GALNT18: variants seen among roughly 807,000 people sequenced by gnomAD.
The protein encoded by GALNT18 is polypeptide N-acetylgalactosaminyltransferase 18, also known as GalNAc-transferase 18.
A neutral mutation model predicts 69.5 loss-of-function variants in GALNT18; 44 were observed. That is an observed-to-expected ratio of 0.63 (90% CI 0.50 to 0.81). The LOEUF (loss-of-function observed/expected upper bound fraction) is 0.81. Ranked by LOEUF, GALNT18 falls within the 40% of genes least tolerant of loss-of-function variation. The pLI is 0.00. For missense variants in GALNT18, 715 were observed against 810.0 expected (o/e 0.88, Z 1.42); for synonymous variants, 364 against 318.2 (o/e 1.14, Z -1.53).
intron 1 of GALNT18, among the ~76,000 whole-genome samples, chr11:11,490,859 GT>G (rs1856756488): frequency 6.6e-6 from 1 of 152,236 alleles, no homozygotes; most frequent in African/African-American, 2.4e-5. Context: ...ATTGTCAGAG[GT>G]TTGTCTGGCA....
In GALNT18 at chr11:11,574,643, C is replaced by T. The variant is rs140010794; in HGVS notation, c.235+46716G>A. 5.9e-3 allele frequency among the ~76,000 whole-genome samples: 904 copies of T among 152,272 alleles called. 7 individuals carry two copies. The highest frequency in any genetic ancestry group is 9.6e-3 in the Non-Finnish European group (652 of 68,026). On this transcript the variant is annotated intron_variant, in intron 1 of 10. Transcript: ENST00000227756. ...TCTCCTATCATGAAAGTCCATCTAC[C>T]AGCACCTACCAGATGGCTAAAAGGA...
chr11:11,572,992 CTT>C lies in GALNT18; in HGVS notation c.235+48365_235+48366del, dbSNP rs377426448. Among the ~76,000 whole-genome samples the C allele has an allele frequency of 5.2e-3, 788 of 152,332 alleles. 8 individuals are homozygous for C. Among genetic ancestry groups the C allele is most frequent in the African/African-American group, 0.018 (747 of 41,572 alleles). ...AAAACTCTTTCAAGTGGTCACTTCT[CTT>C]AGTCCTCACAGTAGTCCCATGAAGG... On this transcript the variant is annotated intron_variant, in intron 1 of 10. Coordinates refer to ENST00000227756, the MANE Select transcript of GALNT18 (RefSeq NM_198516.3).
chr11:11,481,880 C>T (rs1269970167), intron 1 of GALNT18, among the ~76,000 whole-genome samples: 1 of 152,216 alleles, frequency 6.6e-6, no homozygotes, highest in Non-Finnish European at 1.5e-5. Flanking sequence ...AGCTCAGTGT[C>T]AGGCCCCATA....
chr11:11,591,909 C>A lies in GALNT18; in HGVS notation c.235+29450G>T, dbSNP rs1379828119. On this transcript the variant is annotated intron_variant, in intron 1 of 10. Coordinates refer to ENST00000227756, the MANE Select transcript of GALNT18 (RefSeq NM_198516.3). The surrounding 1 kb of genome is among the most constrained non-coding windows in gnomAD (Gnocchi z 4.8). ...ATGTAACACAGTCCTCAAGATCAGACCACATAGAGTCAATTCCTATCCCAA... is the reference window on the plus strand; with the variant it reads ...ATGTAACACAGTCCTCAAGATCAGAACACATAGAGTCAATTCCTATCCCAA... Among the ~76,000 whole-genome samples the A allele has an allele frequency of 6.6e-6, 1 of 152,146 alleles. No individual in the cohort carries two copies. The highest frequency in any genetic ancestry group is 2.4e-5 in the African/African-American group (1 of 41,428).
Position 11,389,620 on chromosome 11 carries a change from G to A in GALNT18, c.596-10356C>T, listed in dbSNP as rs545476399. ...ACTGATGTCAGCTGTGTCCAGGCAG[G>A]AGTGGACGCTGCTCCAGCCCCAGCT... On this transcript the variant is annotated intron_variant, in intron 3 of 10. Transcript: ENST00000227756. The surrounding 1 kb of genome is among the most constrained non-coding windows in gnomAD (Gnocchi z 4.3). 1.3e-5 allele frequency among the ~76,000 whole-genome samples: 2 copies of A among 152,346 alleles called. No individual in the cohort carries two copies. Among genetic ancestry groups the A allele is most frequent in the Admixed American group, 6.5e-5 (1 of 15,308 alleles).
At position 11,404,508 on chromosome 11, in the gene GALNT18, A is replaced by G. The variant is rs963563775; in HGVS notation, c.596-25244T>C. 2.0e-5 allele frequency among the ~76,000 whole-genome samples: 3 copies of G among 152,172 alleles called. No homozygotes were observed. Among genetic ancestry groups the G allele is most frequent in the Non-Finnish European group, 2.9e-5 (2 of 68,032 alleles). On this transcript the variant is annotated intron_variant, in intron 3 of 10. Transcript: ENST00000227756. The surrounding 1 kb of genome is among the most constrained non-coding windows in gnomAD (Gnocchi z 4.5). The stretch of plus-strand genomic sequence containing the variant: ...AGGATCAAACGGCGCCCAGGGAGTG[A>G]GCCAAACATTCCATGTTATAGAAGT...
intron 1 of GALNT18, among the ~76,000 whole-genome samples, chr11:11,473,114 C>T (rs1374909828): frequency 1.3e-5 from 2 of 152,182 alleles, no homozygotes; most frequent in Non-Finnish European, 1.5e-5. Flanking sequence ...ACCCACCTCC[C>T]TCTAAACAAG....
intron 10 of GALNT18, 47 bp downstream of exon 10, chr11:11,292,982 G>A (rs767399912): frequency 7.5e-7 from 1 of 1,337,752 alleles, no homozygotes; most frequent in Non-Finnish European, 9.7e-7. Context: ...CCACTCTCCT[G>A]GTTTTCCACG....
At chr11:11,529,695 G>A (rs561081948) in intron 1 of GALNT18, among the ~76,000 whole-genome samples, 2 of 152,140 alleles carry the variant, frequency 1.3e-5, no homozygotes, top group Admixed American at 1.3e-4. Context: ...ATGTGTGCAC[G>A]TGCATGTTAG....
At position 11,538,505 on chromosome 11, in the gene GALNT18, C is replaced by T. The variant is rs1002588680; in HGVS notation, c.235+82854G>A. On this transcript the variant is annotated intron_variant, in intron 1 of 10. Transcript: ENST00000227756. The surrounding 1 kb of genome is among the most constrained non-coding windows in gnomAD (Gnocchi z 5.2). ...GGGAGAGACCAGCATACCACAAGCA[C>T]CCTGTGGCCTCAGCAACTAGTGTGA... Among the ~76,000 whole-genome samples, 1 of 152,200 alleles carries T rather than the reference C, an allele frequency of 6.6e-6. No homozygotes were observed. The highest frequency in any genetic ancestry group is 1.5e-5 in the Non-Finnish European group (1 of 68,042).
intron 6 of GALNT18, among the ~76,000 whole-genome samples, chr11:11,367,480 C>A (rs775856917): frequency 1.3e-5 from 2 of 152,142 alleles, no homozygotes; most frequent in African/African-American, 2.4e-5. Flanking sequence ...CTGGGAGACT[C>A]TCTTTTCTGT....
rs1484156863 is a variant in GALNT18 at position 11,320,038 on chromosome 11, C to G, written c.1512+7048G>C. On this transcript the variant is annotated intron_variant, in intron 9 of 10. Transcript: ENST00000227756. The surrounding 1 kb of genome is among the most constrained non-coding windows in gnomAD (Gnocchi z 4.9). Reference sequence around the variant, plus strand: ...TATGCTGCTACAAGCCAAGGGACCACCAACCACCAGCCAATTTCATTACAG... The same window carrying G: ...TATGCTGCTACAAGCCAAGGGACCAGCAACCACCAGCCAATTTCATTACAG... 6.6e-6 allele frequency among the ~76,000 whole-genome samples: 1 copy of G among 152,174 alleles called. No individual in the cohort carries two copies. The highest frequency in any genetic ancestry group is 1.5e-5 in the Non-Finnish European group (1 of 68,034).
intron 10 of GALNT18, among the ~76,000 whole-genome samples, chr11:11,287,402 G>A (rs1018722648): frequency 6.6e-6 from 1 of 152,134 alleles, no homozygotes; most frequent in Non-Finnish European, 1.5e-5. Flanking sequence ...AGTTGAAGGT[G>A]GAGAGGTGGC....
At position 11,590,005 on chromosome 11, in the gene GALNT18, C is replaced by A. The variant is rs975493121; in HGVS notation, c.235+31354G>T. On this transcript the variant is annotated intron_variant, in intron 1 of 10. Coordinates refer to ENST00000227756, the MANE Select transcript of GALNT18 (RefSeq NM_198516.3). This position sits in a 1 kb window ranked among gnomAD's most constrained non-coding sequence, Gnocchi z 4.4. ...TGAGGTTACACAGACCTAGGTCCTA[C>A]TCCTGGCTCTGCCACTTGCTACCTT... Among the ~76,000 whole-genome samples, 3 of 152,228 alleles carry A rather than the reference C, an allele frequency of 2.0e-5. No individual in the cohort carries two copies. Among genetic ancestry groups the A allele is most frequent in the Non-Finnish European group, 4.4e-5 (3 of 68,040 alleles).
chr11:11,388,341 A>G (rs1854101725), intron 3 of GALNT18, among the ~76,000 whole-genome samples: 1 of 152,164 alleles, frequency 6.6e-6, no homozygotes, highest in South Asian at 2.1e-4. Context: ...TATTCTCCCT[A>G]AGATGTTATA....
At chr11:11,291,893 G>T (rs1231922698) in intron 10 of GALNT18, among the ~76,000 whole-genome samples, 1 of 152,146 alleles carries the variant, frequency 6.6e-6, no homozygotes, top group African/African-American at 2.4e-5. Flanking sequence ...ACAGTCAAAG[G>T]TGCCCTATGC....
chr11:11,436,564 G>C lies in GALNT18; in HGVS notation c.429-3777C>G, dbSNP rs1855407172. 6.6e-6 allele frequency among the ~76,000 whole-genome samples: 1 copy of C among 152,146 alleles called. No individual in the cohort carries two copies. Among genetic ancestry groups the C allele is most frequent in the African/African-American group, 2.4e-5 (1 of 41,436 alleles). ...GCCTCACACCATGATGCAAGCAGCA[G>C]GTCTTCCATTGGTGTTTGTTGAATA... On this transcript the variant is annotated intron_variant, in intron 2 of 10. Transcript: ENST00000227756. The surrounding 1 kb of genome is among the most constrained non-coding windows in gnomAD (Gnocchi z 4.5).
Position 11,425,823 on chromosome 11 carries a change from G to A in GALNT18, c.595+6798C>T, listed in dbSNP as rs541293703. Among the ~76,000 whole-genome samples the A allele has an allele frequency of 5.3e-5, 8 of 152,330 alleles. No individual in the cohort carries two copies. In the East Asian group the frequency reaches 1.4e-3, roughly 26 times the overall value. ...CAAAACACGTGGCCACCAAAAACCT[G>A]TTGAAGGACTGAAAGAACGAAGCAA... On this transcript the variant is annotated intron_variant, in intron 3 of 10. Coordinates refer to ENST00000227756, the MANE Select transcript of GALNT18 (RefSeq NM_198516.3).
chr11:11,514,651 T>C (rs755282509), intron 1 of GALNT18, among the ~76,000 whole-genome samples: 30 of 152,340 alleles, frequency 2.0e-4, no homozygotes, highest in Non-Finnish European at 3.1e-4. Flanking sequence ...GTAGTTCAAA[T>C]AGACTTCTAC....
Sources: allele counts gnomAD v4.1 joint callset (sites outside exome capture counted in the v4.1 genomes callset), GRCh38; gene constraint gnomAD v4.1.1; non-coding constraint Gnocchi (gnomAD v3.1); transcripts MANE v1.5; gene names NCBI Gene and HGNC (gene_info 2026-07-23, HGNC 2026-07-21).